FHIT: variants seen among roughly 807,000 people sequenced by gnomAD.
FHIT encodes fragile histidine triad diadenosine triphosphatase.
FHIT carries 19 observed loss-of-function variants against 17.9 expected under a neutral mutation model. The observed-to-expected ratio is 1.06, with a 90% CI of 0.74 to 1.56. The LOEUF (loss-of-function observed/expected upper bound fraction) is 1.56. Ranked by LOEUF, FHIT falls within the 40% of genes most tolerant of loss-of-function variation. The pLI is 0.00. For synonymous variants in FHIT, 81 were observed against 69.7 expected, an observed-to-expected ratio of 1.16 and a Z score of -0.81; for missense variants, 248 against 189.2, an observed-to-expected ratio of 1.31 and a Z score of -1.82.
At chr3:60,627,165 G>C (rs1366853551) in intron 4 of FHIT, among the ~76,000 whole-genome samples, 2 of 152,060 alleles carry the variant, frequency 1.3e-5, no homozygotes, top group Admixed American at 6.6e-5. Flanking sequence ...ATGTCTGTCT[G>C]TTTTGGTTAA....
chr3:60,785,413 G>A (rs1700532517), intron 4 of FHIT, among the ~76,000 whole-genome samples: 1 of 152,152 alleles, frequency 6.6e-6, no homozygotes, highest in South Asian at 2.1e-4. Context: ...CATGCCACAG[G>A]CAAAGAGTAT....
At chr3:59,877,757 T>A (rs1409926776) in intron 8 of FHIT, among the ~76,000 whole-genome samples, 1 of 152,242 alleles carries the variant, frequency 6.6e-6, no homozygotes, top group Non-Finnish European at 1.5e-5. Flanking sequence ...TGATTTCTTA[T>A]ATCTCTCCAT....
chr3:60,265,558 G>A (rs985954073), intron 5 of FHIT, among the ~76,000 whole-genome samples: 14 of 151,680 alleles, frequency 9.2e-5, no homozygotes, highest in Admixed American at 7.9e-4. Context: ...CCACAACAAA[G>A]AAAAAATATA....
chr3:59,920,259 G>C (rs970641716), intron 8 of FHIT, among the ~76,000 whole-genome samples: 1 of 152,162 alleles, frequency 6.6e-6, no homozygotes, highest in Non-Finnish European at 1.5e-5. Flanking sequence ...ACTTCTGCCT[G>C]TTTCTAGACT....
chr3:60,328,532 G>A (rs1709813719), intron 5 of FHIT, among the ~76,000 whole-genome samples: 2 of 152,104 alleles, frequency 1.3e-5, no homozygotes, highest in Admixed American at 6.5e-5. Context: ...CAGGAGAACA[G>A]CATAGGAAAA....
intron 5 of FHIT, among the ~76,000 whole-genome samples, chr3:60,406,540 C>G (rs1453150387): frequency 1.3e-5 from 2 of 152,166 alleles, no homozygotes; most frequent in African/African-American, 4.8e-5. Flanking sequence ...AGCTTCCTTT[C>G]TTTATCGTTT....
chr3:61,162,529 T>C (rs1356479677), intron 2 of FHIT, among the ~76,000 whole-genome samples: 1 of 152,186 alleles, frequency 6.6e-6, no homozygotes, highest in African/African-American at 2.4e-5. Context: ...ATCTATGCTA[T>C]CAAGCCCTTA....
chr3:59,775,970 C>G (rs1293840516), intron 8 of FHIT, among the ~76,000 whole-genome samples: 1 of 152,206 alleles, frequency 6.6e-6, no homozygotes, highest in Non-Finnish European at 1.5e-5. Context: ...GATTCTCATT[C>G]TCCATGATGG....
chr3:60,537,834 T>C (rs909943531), intron 4 of FHIT, among the ~76,000 whole-genome samples: 3 of 152,086 alleles, frequency 2.0e-5, no homozygotes, highest in African/African-American at 7.2e-5. Context: ...AGAAACACCA[T>C]CCCTAGAAAA....
Position 60,196,891 on chromosome 3 carries a change from T to A in FHIT, c.104-182739A>T, listed in dbSNP as rs1482755117. Among the ~76,000 whole-genome samples the A allele has an allele frequency of 4.6e-5, 7 of 152,068 alleles. No homozygotes were observed. In the South Asian group the frequency reaches 1.5e-3, roughly 32 times the overall value. ...TCTTATACTTTGCTATGCTTTTGTG[T>A]GGGCAAAAAGCCGTATGGATCATGT... On this transcript the variant is annotated intron_variant, in intron 5 of 9. Coordinates refer to ENST00000492590, the MANE Select transcript of FHIT (RefSeq NM_002012.4).
At chr3:60,717,847 T>C (rs2041722158) in intron 4 of FHIT, among the ~76,000 whole-genome samples, 2 of 152,204 alleles carry the variant, frequency 1.3e-5, no homozygotes, top group African/African-American at 2.4e-5. Flanking sequence ...GCCATTTTTC[T>C]AGACTAAAAA....
chr3:61,249,247 A>G (rs1026398150), intron 1 of FHIT, among the ~76,000 whole-genome samples: 7 of 152,240 alleles, frequency 4.6e-5, no homozygotes, highest in Non-Finnish European at 4.4e-5. Context: ...AATCTCTGAC[A>G]CAAACCAACT....
chr3:60,649,291 T>G (rs570685945), intron 4 of FHIT, among the ~76,000 whole-genome samples: 2 of 152,172 alleles, frequency 1.3e-5, no homozygotes, highest in African/African-American at 2.4e-5. Flanking sequence ...TCCCAGCTAC[T>G]CAGGAGTCTG....
chr3:60,511,418 C>A (rs778407200), intron 5 of FHIT, among the ~76,000 whole-genome samples: 10 of 152,096 alleles, frequency 6.6e-5, no homozygotes, highest in Non-Finnish European at 1.5e-4. Flanking sequence ...AGAGAAAAAT[C>A]TAAGGTATCT....
At chr3:60,625,288 CTCTTGGGTATATA>C (rs1374991445) in intron 4 of FHIT, among the ~76,000 whole-genome samples, 1 of 152,158 alleles carries the variant, frequency 6.6e-6, no homozygotes, top group Non-Finnish European at 1.5e-5. Flanking sequence ...GTTTTCATTT[CTCTTGGGTATATA>C]TCTACAGGTG....
chr3:59,854,237 T>C (rs1304145543), intron 8 of FHIT, among the ~76,000 whole-genome samples: 1 of 152,172 alleles, frequency 6.6e-6, no homozygotes, highest in African/African-American at 2.4e-5. Flanking sequence ...TCAACGCTGA[T>C]GCTTTAAAGG....
chr3:60,796,478 T>C (rs1394019526), intron 4 of FHIT, among the ~76,000 whole-genome samples: 2 of 152,204 alleles, frequency 1.3e-5, no homozygotes, highest in African/African-American at 2.4e-5. Context: ...CTGTAGCCCA[T>C]AGCTCATATG....
At chr3:59,793,981 T>C (rs754087833) in intron 8 of FHIT, among the ~76,000 whole-genome samples, 1 of 152,148 alleles carries the variant, frequency 6.6e-6, no homozygotes, top group Admixed American at 6.6e-5. Flanking sequence ...GGGAGCATTT[T>C]TCCATGGGAC....
At chr3:60,375,104 G>GAA (rs11324509) in intron 5 of FHIT, among the ~76,000 whole-genome samples, 1 of 144,040 alleles carries the variant, frequency 6.9e-6, no homozygotes, top group Admixed American at 7.0e-5. Context: ...TGCTCCTTTT[G>GAA]AAAAAAAAAA....
Sources: gnomAD v4.1 joint callset for allele counts (sites outside exome capture counted in the v4.1 genomes callset) on GRCh38, gnomAD v4.1.1 for gene constraint, MANE v1.5 for transcripts, NCBI Gene and HGNC (gene_info 2026-07-23, HGNC 2026-07-21) for gene names.